The following KMT5B variants were observed in gnomAD, a reference collection of about 807,000 sequenced individuals.
The protein encoded by KMT5B is lysine methyltransferase 5B.
KMT5B carries 10 observed loss-of-function variants against 83.2 expected under a neutral mutation model. The observed-to-expected ratio is 0.12, with a 90% confidence interval of 0.07 to 0.20. The LOEUF (loss-of-function observed/expected upper bound fraction) is 0.20, where lower values mean the gene tolerates loss of function less well. KMT5B is among the 10% of genes least tolerant of loss of function. KMT5B has a pLI of 1.00. For synonymous variants in KMT5B, 349 were observed against 388.8 expected (o/e 0.90, Z 1.20); for missense variants, 753 against 1,067.2 (o/e 0.71, Z 4.10).
Position 68,158,731 on chromosome 11 carries a change from G to A in KMT5B, c.1615C>T (p.Arg539Trp). 1.9e-6 allele frequency: 3 copies of A among 1,614,084 alleles called. No individual in the cohort carries two copies. The highest frequency in any genetic ancestry group is 1.7e-6 in the Non-Finnish European group (2 of 1,180,024). The change falls in exon 11 of 11, where the codon CGG becomes TGG. Residue 539 changes from arginine (R) to tryptophan (W), a missense_variant. By Grantham distance (101) the Arg-to-Trp change is moderately radical (BLOSUM62 -3). This residue lies in a region of KMT5B where 397 missense variants were observed against 395.9 expected (regional missense o/e 1.00). Transcript: ENST00000304363. The part of the protein sequence containing the change: ...GESSPCTYIT[R>W]RSVRTRTNLK... ...TTTGTTCTTGTCCTCACTGACCGCC[G>A]AGTTATGTAGGTGCAGGGCGAGCTC...
At position 68,188,325 on chromosome 11, in the gene KMT5B, G is replaced by A. The variant is rs187608243; in HGVS notation, c.160+1592C>T. The stretch of plus-strand genomic sequence containing the variant: ...AGGCGTGAGCCACCACGCCCGGCCC[G>A]TAATGGCCATTTCTAAACTCTTTTT... On this transcript the variant is annotated intron_variant, in intron 2 of 10. Transcript: ENST00000304363. Among the ~76,000 whole-genome samples the A allele has an allele frequency of 1.6e-3, 238 of 150,504 alleles. 1 individual carries two copies. The highest frequency in any genetic ancestry group is 5.2e-3 in the African/African-American group (214 of 40,944).
At chr11:68,166,455 C>G (rs1268334837) in intron 10 of KMT5B, 1 of 1,000,780 alleles carries the variant, frequency 1.0e-6, no homozygotes, top group African/African-American at 1.7e-5. Flanking sequence ...AAATGCTCCT[C>G]TATCACAATT....
rs1052666634 is a variant in KMT5B at position 68,186,005 on chromosome 11, G to T, written c.161-77C>A. ...CTGCCTTAAAATCTTTAGCGGCATT[G>T]CCCATTCAAGCTGGTAATAAAGAAC... On this transcript the variant is annotated intron_variant, in intron 2 of 10. Coordinates refer to ENST00000304363, the MANE Select transcript of KMT5B (RefSeq NM_017635.5). 5.6e-6 allele frequency: 7 copies of T among 1,259,168 alleles called. No individual in the cohort carries two copies. The African/African-American group carries it at 7.5e-5, about 14-fold the overall frequency. The allele number at this position is 1,259,168 out of a possible 1,614,324, so 78.0% of individuals were successfully genotyped here.
chr11:68,156,465 A>G lies in KMT5B; in HGVS notation c.*1223T>C, dbSNP rs1271203437. ...TTTGTTTAACTGATAATATAGTCAA[A>G]AAAATCTTTGATGTTTTCATAATAA... On this transcript the variant is annotated 3_prime_UTR_variant, in exon 11 of 11. Coordinates refer to ENST00000304363, the MANE Select transcript of KMT5B (RefSeq NM_017635.5). The G allele has an allele frequency of 3.3e-5, 5 of 152,686 alleles. No homozygotes were observed. Among genetic ancestry groups the G allele is most frequent in the Admixed American group, 1.3e-4 (2 of 15,292 alleles). The allele number at this position is 152,686 out of a possible 1,614,324, so 9.5% of individuals were successfully genotyped here.
intron 1 of KMT5B, among the ~76,000 whole-genome samples, chr11:68,192,859 T>C (rs1162480655): frequency 2.0e-5 from 3 of 152,246 alleles, no homozygotes; most frequent in Admixed American, 2.0e-4. Context: ...AATGTCTACC[T>C]TATCATTCCT....
chr11:68,190,100 T>G lies in KMT5B; in HGVS notation c.-24A>C, dbSNP rs1360534436. 2 of 1,609,782 alleles carry G rather than the reference T, an allele frequency of 1.2e-6. No individual in the cohort carries two copies. The highest frequency in any genetic ancestry group is 4.5e-5 in the East Asian group (2 of 44,760). ...ATACCCACAGACAGCCTGACCCAGG[T>G]GCATTTAGTCACTCTCTTCAAATAG... is the stretch of plus-strand genomic sequence containing the variant. On this transcript the variant is annotated 5_prime_UTR_variant, in exon 2 of 11. Transcript: ENST00000304363.
At chr11:68,210,354 G>C (rs932743516) in intron 1 of KMT5B, among the ~76,000 whole-genome samples, 1 of 152,084 alleles carries the variant, frequency 6.6e-6, no homozygotes, top group Non-Finnish European at 1.5e-5. Flanking sequence ...GAAACATGCA[G>C]ATGAACTAAG....
chr11:68,171,675 A>G lies in KMT5B; in HGVS notation c.688T>C (p.Cys230Arg). The change falls in exon 7 of 11, where the codon TGT (cysteine) becomes CGT (arginine). Residue 230 changes from cysteine (C) to arginine (R), a missense_variant. Around this residue, in one of 9 missense-constraint regions of KMT5B, gnomAD observed 34 missense variants for 172.5 expected, o/e 0.20. Transcript: ENST00000304363. This position sits in a 1 kb window ranked among gnomAD's most constrained non-coding sequence, Gnocchi z 5.1. ...RNDKIELLVG[C>R]IAELSEIEEN... is the part of the protein sequence containing the mutation. ...TCAATTTCTGAAAGTTCGGCAATAC[A>G]ACCCACCAGTAATTCTATTTTGTCA... 2 of 1,613,494 alleles carry G rather than the reference A, an allele frequency of 1.2e-6. No individual in the cohort carries two copies. The highest frequency in any genetic ancestry group is 1.7e-6 in the Non-Finnish European group (2 of 1,179,716).
chr11:68,165,920 G>C (rs1192362133), intron 10 of KMT5B: 1 of 1,612,796 alleles, frequency 6.2e-7, no homozygotes, highest in Admixed American at 1.7e-5. Context: ...ACCATCATGG[G>C]AAACACCTTC....
chr11:68,189,126 A>T (rs1350437470), intron 2 of KMT5B, among the ~76,000 whole-genome samples: 2 of 152,256 alleles, frequency 1.3e-5, no homozygotes, highest in East Asian at 3.8e-4. Context: ...AAATCCCTGG[A>T]AACAGGCCAA....
chr11:68,193,503 G>A (rs1858337501), intron 1 of KMT5B, among the ~76,000 whole-genome samples: 2 of 151,206 alleles, frequency 1.3e-5, no homozygotes, highest in South Asian at 4.2e-4. Context: ...TATGCTTAGG[G>A]GAATGGCAAA....
intron 2 of KMT5B, among the ~76,000 whole-genome samples, chr11:68,189,217 A>G (rs1292790117): frequency 6.6e-6 from 1 of 152,230 alleles, no homozygotes; most frequent in Non-Finnish European, 1.5e-5. Context: ...TTAACATGAC[A>G]TACGTTTGGA....
At chr11:68,174,876 T>A in intron 5 of KMT5B, 142 bp downstream of exon 5, 1 of 759,334 alleles carries the variant, frequency 1.3e-6, no homozygotes. Flanking sequence ...TCCAAATGAC[T>A]GTATGTGTTA....
In KMT5B at chr11:68,171,330, A is replaced by C; in HGVS notation, c.821-79T>G. 1 of 1,533,356 alleles carries C rather than the reference A, an allele frequency of 6.5e-7. No homozygotes were observed. The highest frequency in any genetic ancestry group is 1.4e-5 in the African/African-American group (1 of 72,520). The allele number at this position is 1,533,356 out of a possible 1,614,324, so 95.0% of individuals were successfully genotyped here. On this transcript the variant is annotated intron_variant, in intron 7 of 10. Transcript: ENST00000304363. The surrounding 1 kb of genome is among the most constrained non-coding windows in gnomAD (Gnocchi z 5.1). ...CGAACAATTATAGAAATCTGAAATA[A>C]GCTTTCCATATAACTTTACAACTTT...
At chr11:68,180,392 T>C (rs1002522916) in intron 3 of KMT5B, among the ~76,000 whole-genome samples, 192 bp from the exon 4 acceptor site, 12 of 152,194 alleles carry the variant, frequency 7.9e-5, no homozygotes, top group Non-Finnish European at 1.8e-4. Flanking sequence ...CTGCTTCCCA[T>C]AGAACACACC....
chr11:68,163,586 C>T (rs923564884), intron 10 of KMT5B, among the ~76,000 whole-genome samples: 26 of 152,152 alleles, frequency 1.7e-4, no homozygotes, highest in Admixed American at 3.3e-4. Flanking sequence ...GCACTCAGGC[C>T]GCACTGGAAA....
At position 68,180,192 on chromosome 11, in the gene KMT5B, G is replaced by A; in HGVS notation, c.317C>T (p.Pro106Leu). 4 of 1,567,634 alleles carry A rather than the reference G, an allele frequency of 2.6e-6. No homozygotes were observed. Among genetic ancestry groups the A allele is most frequent in the Non-Finnish European group, 2.6e-6 (3 of 1,143,146 alleles). The change falls in exon 4 of 11, where the codon CCT (proline) becomes CTT (leucine). Residue 106 changes from proline (P) to leucine (L), a missense_variant. Physicochemically the swap from Pro to Leu is moderately conservative, Grantham distance 98. Coordinates refer to ENST00000304363, the MANE Select transcript of KMT5B (RefSeq NM_017635.5). ...TGAAAAATGCCTTGAGCTCCTCGAA[G>A]GAAAGGCGCTATATAAATGCAAAAA... ...QTHKMNTSAFPSRSSRHFSKS... is the reference protein window; with the variant it reads ...QTHKMNTSAFLSRSSRHFSKS...
chr11:68,205,905 C>G (rs1860042439), intron 1 of KMT5B, among the ~76,000 whole-genome samples: 1 of 152,146 alleles, frequency 6.6e-6, no homozygotes, highest in Non-Finnish European at 1.5e-5. Context: ...CAGGCGTGAG[C>G]CACCGCGCCC....
upstream of KMT5B, chr11:68,213,458 C>T (rs1415899826): frequency 2.0e-5 from 3 of 148,046 alleles, no homozygotes; most frequent in South Asian, 1.8e-4. Context: ...CCCCCGCGCC[C>T]CGCCACCCGG....
Sources: gnomAD v4.1 joint callset for allele counts (sites outside exome capture counted in the v4.1 genomes callset) on GRCh38, gnomAD v4.1.1 for gene constraint, gnomAD v4.1.1 regional missense constraint, Gnocchi (gnomAD v3.1) non-coding constraint, MANE v1.5 for transcripts, NCBI Gene and HGNC (gene_info 2026-07-23, HGNC 2026-07-21) for gene names.